DMD: variants seen among roughly 807,000 people sequenced by gnomAD.
DMD encodes mutant dystrophin.
In DMD, 63 loss-of-function variants were observed where a neutral mutation model predicts 330.1. That is an observed-to-expected ratio of 0.19 (90% CI 0.16 to 0.24). The LOEUF (loss-of-function observed/expected upper bound fraction) is 0.24, where lower values mean the gene tolerates loss of function less well. Among genes scored for constraint, DMD ranks in the 10% least tolerant of loss-of-function variants. The probability of loss-of-function intolerance (pLI) is 1.00; values close to 1 mark genes in which losing one functional copy is unlikely to be tolerated. For synonymous variants in DMD, 1,223 were observed against 959.8 expected, an observed-to-expected ratio of 1.27 and a Z score of -5.07; for missense variants, 3,344 against 2,684.1, an observed-to-expected ratio of 1.25 and a Z score of -5.43.
At chrX:31,200,123 A>G (rs367698560) in intron 67 of DMD, among the ~76,000 whole-genome samples, 1 of 112,186 alleles carries the variant, frequency 8.9e-6, no homozygotes, top group African/African-American at 3.2e-5. Context: ...AAGTAATGAA[A>G]GCCTCGCCAT....
chrX:33,017,136 A>T (rs964368568), intron 2 of DMD, among the ~76,000 whole-genome samples: 1 of 111,656 alleles, frequency 9.0e-6, no homozygotes, highest in African/African-American at 3.3e-5. Flanking sequence ...GCTTATTTTT[A>T]AAATGGTACC....
At chrX:33,060,558 C>T (rs887761442) in intron 1 of DMD, among the ~76,000 whole-genome samples, 3 of 111,557 alleles carry the variant, frequency 2.7e-5, no homozygotes, top group African/African-American at 6.5e-5. Context: ...CTCGACCAGG[C>T]GTGGTGGCTC....
At chrX:32,692,365 A>G (rs1226650205) in intron 9 of DMD, among the ~76,000 whole-genome samples, 3 of 111,791 alleles carry the variant, frequency 2.7e-5, no homozygotes, top group Non-Finnish European at 5.6e-5. Flanking sequence ...GGATGTATAA[A>G]GGCTTCCTCG....
chrX:32,264,005 C>G (rs139289663), intron 43 of DMD, among the ~76,000 whole-genome samples: 1 of 111,709 alleles, frequency 9.0e-6, no homozygotes, highest in East Asian at 2.8e-4. Context: ...AAAAACAATT[C>G]ATAGATCTTA....
In DMD at chrX:31,385,936, T is replaced by C. The variant is rs1602379830; in HGVS notation, c.9085-37302A>G. On this transcript the variant is annotated intron_variant, in intron 60 of 78. Coordinates refer to ENST00000357033, the MANE Select transcript of DMD (RefSeq NM_004006.3). ...GAAGACACATGCACACGTATGTTTATTGCGGCACTGTTCACAATAGCAAAG... is the reference window on the plus strand; with the variant it reads ...GAAGACACATGCACACGTATGTTTACTGCGGCACTGTTCACAATAGCAAAG... Among the ~76,000 whole-genome samples, 7 of 112,316 alleles carry C rather than the reference T, an allele frequency of 6.2e-5. 1 individual carries two copies. The highest frequency in any genetic ancestry group is 4.7e-4 in the Admixed American group (5 of 10,598).
At chrX:32,774,059 G>T (rs2073904119) in intron 7 of DMD, among the ~76,000 whole-genome samples, 1 of 111,326 alleles carries the variant, frequency 9.0e-6, no homozygotes, top group East Asian at 2.8e-4. Context: ...CCCCTAGAAA[G>T]ATACACTCGC....
chrX:33,338,493 A>C (rs185637421), intron 1 of DMD, among the ~76,000 whole-genome samples: 1 of 109,426 alleles, frequency 9.1e-6, no homozygotes, highest in Non-Finnish European at 1.9e-5. Context: ...ATAAATAAAT[A>C]AATGCTCACA....
At chrX:31,264,058 G>A (rs1448494814) in intron 62 of DMD, among the ~76,000 whole-genome samples, 1 of 112,194 alleles carries the variant, frequency 8.9e-6, no homozygotes, top group Non-Finnish European at 1.9e-5. Context: ...GGATGAAACT[G>A]TAAGCACAAA....
rs1009317937 is a variant in DMD, at chrX:33,020,342, A to C, written c.32-142T>G. The C allele has an allele frequency of 3.0e-5, 14 of 459,994 alleles. No homozygotes were observed. In the Admixed American group the frequency reaches 4.9e-4, roughly 16 times the overall value. The allele number at this position is 459,994 out of a possible 1,213,427, so 37.9% of individuals were successfully genotyped here. On this transcript the variant is annotated intron_variant, in intron 1 of 78. Transcript: ENST00000357033. ...CATTCATTGATAAATGGAATTAAAC[A>C]TGAGTGATGCTGGTTTGGGGCATCC... is the stretch of plus-strand genomic sequence containing the variant.
intron 9 of DMD, among the ~76,000 whole-genome samples, chrX:32,648,630 G>C (rs2059929735): frequency 9.0e-6 from 1 of 111,518 alleles, no homozygotes; most frequent in Non-Finnish European, 1.9e-5. Flanking sequence ...AATGGCTCTA[G>C]AATTTCAGAC....
At chrX:32,616,625 G>T (rs753415556) in intron 11 of DMD, among the ~76,000 whole-genome samples, 140 of 106,660 alleles carry the variant, frequency 1.3e-3, no homozygotes, top group African/African-American at 4.6e-3. Flanking sequence ...AAATGTTCCA[G>T]GCTCATTTTC....
At chrX:32,715,625 C>A (rs1397927493) in intron 7 of DMD, among the ~76,000 whole-genome samples, 1 of 108,730 alleles carries the variant, frequency 9.2e-6, no homozygotes, top group Non-Finnish European at 1.9e-5. Context: ...CATGGTGAAA[C>A]CCCATCTCTA....
At chrX:31,510,906 C>T (rs557089102) in intron 55 of DMD, among the ~76,000 whole-genome samples, 1 of 111,725 alleles carries the variant, frequency 9.0e-6, no homozygotes, top group South Asian at 3.7e-4. Flanking sequence ...CTGCAAATTT[C>T]CCTGTTGCCA....
chrX:32,729,021 T>G lies in DMD; in HGVS notation c.650-29728A>C, dbSNP rs546641495. Among the ~76,000 whole-genome samples the G allele has an allele frequency of 7.1e-5, 8 of 112,195 alleles. No individual in the cohort carries two copies. In the South Asian group the frequency reaches 2.9e-3, roughly 41 times the overall value. On this transcript the variant is annotated intron_variant, in intron 7 of 78. Transcript: ENST00000357033. ...TATGAACAAAGAAGTCAGCAGATAC[T>G]TTTTTCACAGAGCTTACAGTACAGC... is the stretch of plus-strand genomic sequence containing the variant.
chrX:32,765,568 G>A (rs1410832306), intron 7 of DMD, among the ~76,000 whole-genome samples: 1 of 111,625 alleles, frequency 9.0e-6, no homozygotes, highest in Non-Finnish European at 1.9e-5. Context: ...ATGCAAGAAT[G>A]GACTAACATA....
intron 1 of DMD, among the ~76,000 whole-genome samples, chrX:33,216,966 T>G (rs764207259): frequency 1.8e-5 from 2 of 111,844 alleles, no homozygotes; most frequent in South Asian, 7.4e-4. Context: ...CCCAACTTGT[T>G]TGATTATTTA....
chrX:31,432,816 G>A (rs1308413694), intron 60 of DMD, among the ~76,000 whole-genome samples: 3 of 112,324 alleles, frequency 2.7e-5, no homozygotes, highest in African/African-American at 9.7e-5. Flanking sequence ...GTAATTCAAA[G>A]TGGATATTTT....
chrX:32,487,989 C>T (rs1459673600), intron 20 of DMD, among the ~76,000 whole-genome samples: 1 of 110,687 alleles, frequency 9.0e-6, no homozygotes, highest in Non-Finnish European at 1.9e-5. Context: ...CATTAAGAAC[C>T]TGATTTATAT....
chrX:32,953,792 G>A (rs770441964), intron 2 of DMD, among the ~76,000 whole-genome samples: 73 of 112,336 alleles, frequency 6.5e-4, no homozygotes, highest in African/African-American at 2.3e-3. Flanking sequence ...CTAGGAAGAA[G>A]CTTGTATTCT....
Sources: gnomAD v4.1 joint callset for allele counts (sites outside exome capture counted in the v4.1 genomes callset) on GRCh38, gnomAD v4.1.1 for gene constraint, MANE v1.5 for transcripts, NCBI Gene and HGNC (gene_info 2026-07-23, HGNC 2026-07-21) for gene names.